NLRP12: variants seen among roughly 807,000 people sequenced by gnomAD.
NLRP12 encodes the protein NLR family pyrin domain containing 12, also known as NACHT, LRR and PYD domains-containing protein 12.
In NLRP12, 108 loss-of-function variants were observed where a neutral mutation model predicts 91.2. The observed-to-expected ratio is 1.18, with a 90% CI of 1.01 to 1.39. The LOEUF is 1.39. Ranked by LOEUF, NLRP12 falls within the 40% of genes most tolerant of loss-of-function variation. NLRP12 has a pLI of 0.00. For synonymous variants in NLRP12, 613 were observed against 566.7 expected (o/e 1.08, Z -1.16); for missense variants, 1,530 against 1,352.7 (o/e 1.13, Z -2.06).
At chr19:53,813,937 C>A (rs2092119148) in intron 2 of NLRP12, among the ~76,000 whole-genome samples, 1 of 151,994 alleles carries the variant, frequency 6.6e-6, no homozygotes, top group Non-Finnish European at 1.5e-5. Flanking sequence ...TCCCAAAGTG[C>A]AGGGATTACA....
intron 1 of NLRP12, among the ~76,000 whole-genome samples, chr19:53,823,447 T>TAATATATATTTTA (rs2092294670): frequency 4.5e-5 from 3 of 66,008 alleles, no homozygotes; most frequent in Middle Eastern, 0.011. Flanking sequence ...ATATATGTTT[T>TAATATATATTTTA]AAATATATAT....
intron 6 of NLRP12, among the ~76,000 whole-genome samples, chr19:53,802,905 C>T (rs1335971194): frequency 6.6e-6 from 1 of 152,068 alleles, no homozygotes; most frequent in East Asian, 1.9e-4. Context: ...ACATACCACC[C>T]ACCCCAGCTA....
At chr19:53,822,769 TTTC>T (rs2092278920) in intron 1 of NLRP12, among the ~76,000 whole-genome samples, 1 of 149,516 alleles carries the variant, frequency 6.7e-6, no homozygotes, top group Non-Finnish European at 1.5e-5. Context: ...ACCTCATCTC[TTTC>T]TTAATTTATT....
chr19:53,803,215 T>C, intron 6 of NLRP12, among the ~76,000 whole-genome samples: 1 of 151,948 alleles, frequency 6.6e-6, no homozygotes, highest in African/African-American at 2.4e-5. Flanking sequence ...GAGTTTCGTT[T>C]TTGTTGTCCA....
At chr19:53,795,774 G>T in intron 9 of NLRP12, 85 bp downstream of exon 9, 4 of 1,213,950 alleles carry the variant, frequency 3.3e-6, no homozygotes, top group Non-Finnish European at 3.6e-6. Flanking sequence ...AGTGCATAAC[G>T]TATTTGTCCA....
intron 3 of NLRP12, 70 bp downstream of exon 3, chr19:53,809,517 C>CAAAACAAAAAA: frequency 1.4e-6 from 1 of 691,936 alleles, no homozygotes; most frequent in Non-Finnish European, 2.2e-6. Context: ...GGCAACAGAG[C>CAAAACAAAAAA]AAAAAAAAAA....
At position 53,824,308 on chromosome 19, in the gene NLRP12, G is replaced by C; in HGVS notation, c.-134C>G. ...GGCGGAGAGGCTGAGCCAGTGGTTG[G>C]AGGAGAGAGCAAGGGAGGAAAGACC... On this transcript the variant is annotated 5_prime_UTR_variant, in exon 1 of 10. Transcript: ENST00000324134. 2.2e-6 allele frequency: 2 copies of C among 904,578 alleles called. No homozygotes were observed. Among genetic ancestry groups the C allele is most frequent in the Non-Finnish European group, 1.7e-6 (1 of 571,976 alleles). The allele number at this position is 904,578 out of a possible 1,614,324, so 56.0% of individuals were successfully genotyped here.
At chr19:53,814,598 G>GCTTTC in intron 2 of NLRP12, among the ~76,000 whole-genome samples, 1 of 151,992 alleles carries the variant, frequency 6.6e-6, no homozygotes, top group South Asian at 2.1e-4. Context: ...TGATCTGCCC[G>GCTTTC]CTTTGGCCTC....
intron 3 of NLRP12, 60 bp downstream of exon 3, chr19:53,809,527 A>AAC: frequency 7.7e-7 from 1 of 1,293,414 alleles, no homozygotes; most frequent in Non-Finnish European, 1.0e-6. Flanking sequence ...CAAAAAAAAA[A>AAC]AAAAAAAAAA....
intron 1 of NLRP12, among the ~76,000 whole-genome samples, chr19:53,820,726 C>T (rs920835738): frequency 8.1e-5 from 12 of 147,996 alleles, no homozygotes; most frequent in Non-Finnish European, 1.5e-5. Context: ...CTTGCACTGT[C>T]ACCCAGGCTG....
rs1320950736 is a variant in NLRP12 at position 53,810,867 on chromosome 19, C to T, written c.792G>A (p.Met264Ile). The change falls in exon 3 of 10, where the codon ATG (methionine) becomes ATA (isoleucine). Residue 264 changes from methionine (M) to isoleucine (I), a missense_variant. Transcript: ENST00000324134. The part of the protein sequence containing the change: ...EMNQSATECS[M>I]QDLIFSCWPE... ...GCCAGCAGCTGAAGATGAGGTCTTGCATGCTGCATTCCGTGGCACTCTGGT... is the reference window on the plus strand; with the variant it reads ...GCCAGCAGCTGAAGATGAGGTCTTGTATGCTGCATTCCGTGGCACTCTGGT... 6.2e-7 allele frequency: 1 copy of T among 1,613,980 alleles called. No individual in the cohort carries two copies. The highest frequency in any genetic ancestry group is 1.3e-5 in the African/African-American group (1 of 74,932).
At position 53,798,371 on chromosome 19, in the gene NLRP12, AAGACCCTCACAG is replaced by A. The variant is rs761789218; in HGVS notation, c.2787_2798del (p.Cys930_Leu933del). On this transcript the variant is annotated inframe_deletion, in exon 8 of 10. Transcript: ENST00000324134. ...TGTGGTTGGCCTGGAGCACCACAGA[AAGACCCTCACAG>A]GCGGCAGAGCCCAGCCGGCAGATGC... 14 of 1,614,030 alleles carry A rather than the reference AAGACCCTCACAG, an allele frequency of 8.7e-6. No homozygotes were observed. In the African/African-American group the frequency reaches 1.5e-4, roughly 17 times the overall value.
In NLRP12 at chr19:53,816,375, C is replaced by T. The variant is rs929308488; in HGVS notation, c.290-1387G>A. On this transcript the variant is annotated intron_variant, in intron 1 of 9. Coordinates refer to ENST00000324134, the MANE Select transcript of NLRP12 (RefSeq NM_144687.4). ...CCCACCCTCTTGTTACTACACAGCCCGCCCCCCCCAACAGTCTCTGTAGCT... is the reference window on the plus strand; with the variant it reads ...CCCACCCTCTTGTTACTACACAGCCTGCCCCCCCCAACAGTCTCTGTAGCT... Among the ~76,000 whole-genome samples the T allele has an allele frequency of 5.0e-4, 73 of 146,296 alleles. 1 individual carries two copies. Among genetic ancestry groups the T allele is most frequent in the Non-Finnish European group, 1.7e-4 (11 of 65,686 alleles).
At chr19:53,796,327 C>G (rs970472491) in intron 8 of NLRP12, among the ~76,000 whole-genome samples, 3 of 152,132 alleles carry the variant, frequency 2.0e-5, no homozygotes, top group African/African-American at 2.4e-5. Context: ...TCTCGGCTCA[C>G]TGCAACCTCT....
chr19:53,796,019 A>G lies in NLRP12; in HGVS notation c.2938T>C (p.Cys980Arg), dbSNP rs541622856. The change falls in exon 9 of 10, where the codon TGT (cysteine) becomes CGT (arginine). Residue 980 changes from cysteine (C) to arginine (R), a missense_variant. By Grantham distance (180) the Cys-to-Arg change is radical (BLOSUM62 -3). Transcript: ENST00000324134. ...TCACAAGCCTTGGCTGTGAGGCCACAGCTATCCAGCCTGGTGAAGATAAGG... is the reference window on the plus strand; with the variant it reads ...TCACAAGCCTTGGCTGTGAGGCCACGGCTATCCAGCCTGGTGAAGATAAGG... ...CRLQKLWLDS[C>R]GLTAKACENL... 1.9e-6 allele frequency: 3 copies of G among 1,614,126 alleles called. No homozygotes were observed. In the East Asian group the frequency reaches 6.7e-5, roughly 36 times the overall value.
rs759036045 is a variant in NLRP12 at position 53,809,820 on chromosome 19, G to A, written c.1839C>T (p.Phe613=). The part of the protein sequence containing the change: ...GSTLQQGSLE[F]FSCLYEIQEE... ...CCTGGATCTCGTACAAGCAGCTGAAGAACTCCAAGGAGCCCTGCTGCAGGG... is the reference window on the plus strand; with the variant it reads ...CCTGGATCTCGTACAAGCAGCTGAAAAACTCCAAGGAGCCCTGCTGCAGGG... Residue 613 remains phenylalanine (F), a synonymous_variant, in exon 3 of 10, where the codon TTC becomes TTT. Transcript: ENST00000324134. 1 of 1,614,134 alleles carries A rather than the reference G, an allele frequency of 6.2e-7. No individual in the cohort carries two copies.
At chr19:53,818,848 C>T (rs2092203431) in intron 1 of NLRP12, among the ~76,000 whole-genome samples, 2 of 152,220 alleles carry the variant, frequency 1.3e-5, no homozygotes, top group South Asian at 2.1e-4. Context: ...TTGGATTCCC[C>T]ATTGGCCACA....
Position 53,811,224 on chromosome 19 carries a change from C to T in NLRP12, c.435G>A (p.Ala145=), listed in dbSNP as rs1423751053. The change falls in exon 3 of 10, where the codon GCG becomes GCA. Residue 145 remains alanine, a synonymous_variant. Coordinates refer to ENST00000324134, the MANE Select transcript of NLRP12 (RefSeq NM_144687.4). ...RKFRLMEDRN[A]RLGECVNLSH... ...TGAGGTTGACACATTCCCCTAGGCG[C>T]GCATTGCGGTCTTCCATGAGCCGGA... The T allele has an allele frequency of 1.9e-6, 3 of 1,613,982 alleles. No individual in the cohort carries two copies. The highest frequency in any genetic ancestry group is 1.6e-4 in the Middle Eastern group (1 of 6,084).
intron 7 of NLRP12, among the ~76,000 whole-genome samples, chr19:53,798,844 C>T (rs560429150): frequency 4.6e-5 from 7 of 151,830 alleles, no homozygotes; most frequent in East Asian, 1.9e-4. Context: ...CAAGCTCAAG[C>T]GATTCTCCTG....
Sources: gnomAD v4.1 joint callset for allele counts (sites outside exome capture counted in the v4.1 genomes callset) on GRCh38, gnomAD v4.1.1 for gene constraint, MANE v1.5 for transcripts, NCBI Gene and HGNC (gene_info 2026-07-23, HGNC 2026-07-21) for gene names.